Variants in FUT9 observed in about 807,000 individuals in gnomAD.
The protein encoded by FUT9 is 4-galactosyl-N-acetylglucosaminide 3-alpha-L-fucosyltransferase 9.
Under a neutral mutation model 29.7 loss-of-function variants are expected in FUT9, and 15 were observed. The observed-to-expected ratio is 0.51, with a 90% CI of 0.34 to 0.78. The LOEUF (loss-of-function observed/expected upper bound fraction) is 0.78. FUT9 is among the 30% of genes least tolerant of loss of function. The pLI is 0.01. For missense variants in FUT9, 319 were observed against 425.4 expected (o/e 0.75, Z 2.20); for synonymous variants, 169 against 153.7 (o/e 1.10, Z -0.74).
intron 2 of FUT9, among the ~76,000 whole-genome samples, chr6:96,157,572 C>A (rs2127978733): frequency 6.6e-6 from 1 of 152,106 alleles, no homozygotes; most frequent in East Asian, 1.9e-4. Context: ...TTGAAGGCAA[C>A]CATGGTTTTA....
At chr6:96,056,005 T>C (rs1001618187) in intron 1 of FUT9, among the ~76,000 whole-genome samples, 2 of 126,276 alleles carry the variant, frequency 1.6e-5, no homozygotes, top group African/African-American at 2.9e-5. Flanking sequence ...TCTTGCATTT[T>C]AGTCTTGCAT....
intron 2 of FUT9, among the ~76,000 whole-genome samples, chr6:96,135,284 G>T (rs1772326340): frequency 6.6e-6 from 1 of 151,876 alleles, no homozygotes; most frequent in South Asian, 2.1e-4. Flanking sequence ...GGGACATTTG[G>T]TTCACCAAAA....
chr6:96,109,599 C>T (rs1771759505), intron 1 of FUT9, among the ~76,000 whole-genome samples: 1 of 152,122 alleles, frequency 6.6e-6, no homozygotes, highest in South Asian at 2.1e-4. Flanking sequence ...GGATTTAATA[C>T]TTTATTCAAA....
chr6:96,111,387 C>T (rs140014885), intron 1 of FUT9, among the ~76,000 whole-genome samples: 1 of 152,118 alleles, frequency 6.6e-6, no homozygotes, highest in East Asian at 1.9e-4. Context: ...AAATGATTTT[C>T]TCCCTATACA....
intron 2 of FUT9, among the ~76,000 whole-genome samples, chr6:96,139,593 G>A (rs9499282): frequency 0.9 from 136,844 of 152,178 alleles, 63,345 homozygotes; most frequent in Non-Finnish European, 1. Flanking sequence ...CCGCCCCTGC[G>A]GCAAACTTCT....
At chr6:96,136,324 G>A (rs1197235391) in intron 2 of FUT9, among the ~76,000 whole-genome samples, 5 of 151,678 alleles carry the variant, frequency 3.3e-5, no homozygotes, top group African/African-American at 1.2e-4. Flanking sequence ...GATATGTGAT[G>A]GGGCACCAAA....
In FUT9 at chr6:96,213,101, C is replaced by A. The variant is rs778531084; in HGVS notation, c.*8866C>A. ...CATATATTCGTGCAGATGTTTTCTT[C>A]TTTTCTTACTGCGCATTTCCATGTG... On this transcript the variant is annotated 3_prime_UTR_variant, in exon 3 of 3. Coordinates refer to ENST00000302103, the MANE Select transcript of FUT9 (RefSeq NM_006581.4). 1.1e-4 allele frequency: 19 copies of A among 166,980 alleles called. No homozygotes were observed. The highest frequency in any genetic ancestry group is 2.6e-4 in the African/African-American group (11 of 41,554). The allele number at this position is 166,980 out of a possible 1,614,324, so 10.3% of individuals were successfully genotyped here. A position where few individuals can be genotyped will look rare whatever the true frequency, so the allele number is the denominator to read the frequency against.
At chr6:96,177,617 A>C (rs1408030461) in intron 2 of FUT9, among the ~76,000 whole-genome samples, 1 of 152,100 alleles carries the variant, frequency 6.6e-6, no homozygotes, top group Non-Finnish European at 1.5e-5. Context: ...TTCCAGCCCC[A>C]AAGCCTCCAA....
intron 1 of FUT9, among the ~76,000 whole-genome samples, chr6:96,024,307 G>C (rs1770125213): frequency 1.3e-5 from 2 of 151,940 alleles, no homozygotes; most frequent in Middle Eastern, 6.8e-3. Context: ...CTGACTTCTA[G>C]TAATATTTCT....
At chr6:96,045,946 G>T (rs955785486) in intron 1 of FUT9, among the ~76,000 whole-genome samples, 1 of 152,216 alleles carries the variant, frequency 6.6e-6, no homozygotes, top group Non-Finnish European at 1.5e-5. Context: ...GCACCATGAG[G>T]TAGGGTATAA....
rs1175004047 is a variant in FUT9, at chr6:96,083,447, T to C, written c.-97-30592T>C. 2.6e-5 allele frequency among the ~76,000 whole-genome samples: 4 copies of C among 152,092 alleles called. No homozygotes were observed. In the South Asian group the frequency reaches 6.2e-4, roughly 24 times the overall value. ...TATTCTATTCTGTTCTCTGGATGCA[T>C]TGACTTACAAGTTATCATTGAACAT... On this transcript the variant is annotated intron_variant, in intron 1 of 2. Transcript: ENST00000302103.
Position 96,207,301 on chromosome 6 carries a change from C to T in FUT9, c.*3066C>T, listed in dbSNP as rs566996648. 3 of 167,000 alleles carry T rather than the reference C, an allele frequency of 1.8e-5. No individual in the cohort carries two copies. Among genetic ancestry groups the T allele is most frequent in the African/African-American group, 4.8e-5 (2 of 41,516 alleles). 10.3% of individuals were successfully genotyped at this position (167,000 alleles called of 1,614,324 possible). ...ATTTGGATTTAAGGATCCTATCTTT[C>T]TTTATCCCACTTTCTTTTCAATCGC... On this transcript the variant is annotated 3_prime_UTR_variant, in exon 3 of 3. Transcript: ENST00000302103.
chr6:96,085,739 T>C (rs1006294777), intron 1 of FUT9, among the ~76,000 whole-genome samples: 5 of 152,156 alleles, frequency 3.3e-5, no homozygotes, highest in Non-Finnish European at 5.9e-5. Context: ...CTCAATGCCC[T>C]GGAAATATAG....
intron 1 of FUT9, among the ~76,000 whole-genome samples, chr6:96,102,225 T>C (rs992007118): frequency 1.3e-5 from 2 of 152,192 alleles, no homozygotes; most frequent in East Asian, 3.9e-4. Flanking sequence ...CATATGTAGA[T>C]GTAGGTATTT....
At chr6:96,052,026 G>T (rs1232659026) in intron 1 of FUT9, among the ~76,000 whole-genome samples, 1 of 152,124 alleles carries the variant, frequency 6.6e-6, no homozygotes, top group Non-Finnish European at 1.5e-5. Flanking sequence ...TAGAAAAGAG[G>T]TTTAATTGAT....
intron 2 of FUT9, among the ~76,000 whole-genome samples, chr6:96,137,994 C>G (rs1772389434): frequency 1.6e-5 from 1 of 61,792 alleles, no homozygotes; most frequent in African/African-American, 3.4e-5. Flanking sequence ...TAAAAGTAGG[C>G]AAACCTGTCT....
rs184514788 is a variant in FUT9 at position 96,117,670 on chromosome 6, G to C, written c.-9+3543G>C. Among the ~76,000 whole-genome samples, 3 of 152,276 alleles carry C rather than the reference G, an allele frequency of 2.0e-5. No individual in the cohort carries two copies. In the East Asian group the frequency reaches 5.8e-4, roughly 29 times the overall value. ...TAGGATCAGCAGTTTGTAAAGGATG[G>C]AGCATCTACATAGAACAATCTTACT... On this transcript the variant is annotated intron_variant, in intron 2 of 2. Transcript: ENST00000302103.
At chr6:96,043,604 C>G (rs6902513) in intron 1 of FUT9, among the ~76,000 whole-genome samples, 80,540 of 152,058 alleles carry the variant, frequency 0.53, 21,975 homozygotes, top group South Asian at 0.71. Flanking sequence ...ACACATTTAA[C>G]TTCTCATTGA....
chr6:96,196,087 T>C (rs1277638327), intron 2 of FUT9, among the ~76,000 whole-genome samples: 1 of 152,088 alleles, frequency 6.6e-6, no homozygotes, highest in Non-Finnish European at 1.5e-5. Context: ...CTTTGGATCC[T>C]GGAATATTAG....
Sources: gnomAD v4.1 joint callset for allele counts (sites outside exome capture counted in the v4.1 genomes callset) on GRCh38, gnomAD v4.1.1 for gene constraint, MANE v1.5 for transcripts, NCBI Gene and HGNC (gene_info 2026-07-23, HGNC 2026-07-21) for gene names.